SGCD: variants seen among roughly 807,000 people sequenced by gnomAD.
SGCD encodes delta-sarcoglycan.
Under a neutral mutation model 36.6 loss-of-function variants are expected in SGCD, and 18 were observed. That is an observed-to-expected ratio of 0.49 (90% CI 0.34 to 0.73). The LOEUF (loss-of-function observed/expected upper bound fraction) is 0.73, where lower values mean the gene tolerates loss of function less well. SGCD is among the 30% of genes least tolerant of loss of function. The pLI, the probability that SGCD is intolerant of heterozygous loss-of-function variation, is 0.01. For synonymous variants in SGCD, 133 were observed against 130.6 expected, an observed-to-expected ratio of 1.02 and a Z score of -0.12; for missense variants, 387 against 346.7, an observed-to-expected ratio of 1.12 and a Z score of -0.92.
chr5:156,705,942 T>A (rs564846289), intron 7 of SGCD, among the ~76,000 whole-genome samples: 1 of 152,216 alleles, frequency 6.6e-6, no homozygotes, highest in African/African-American at 2.4e-5. Context: ...AGTTCAAATA[T>A]GTTTACTAAA....
intron 1 of SGCD, among the ~76,000 whole-genome samples, chr5:155,974,153 C>T (rs1758062350): frequency 6.6e-6 from 1 of 152,006 alleles, no homozygotes; most frequent in South Asian, 2.1e-4. Context: ...GCAGTTACTA[C>T]ATATTTATGA....
chr5:156,727,759 A>C (rs1755850783), intron 7 of SGCD, among the ~76,000 whole-genome samples: 1 of 152,220 alleles, frequency 6.6e-6, no homozygotes, highest in Admixed American at 6.5e-5. Flanking sequence ...TATATGCATA[A>C]ATTACCTATC....
chr5:156,318,442 G>T (rs772358245), intron 3 of SGCD, among the ~76,000 whole-genome samples: 4 of 152,104 alleles, frequency 2.6e-5, no homozygotes, highest in Non-Finnish European at 5.9e-5. Flanking sequence ...ACCCTGTTTT[G>T]TATCTATCAT....
chr5:156,737,065 T>A (rs1029588501), intron 7 of SGCD, among the ~76,000 whole-genome samples: 2 of 152,224 alleles, frequency 1.3e-5, no homozygotes, highest in African/African-American at 4.8e-5. Context: ...GATAGAAGTT[T>A]TTCAATTTGT....
intron 3 of SGCD, among the ~76,000 whole-genome samples, chr5:156,281,989 C>T (rs1561598859): frequency 1.3e-5 from 2 of 152,014 alleles, no homozygotes; most frequent in Non-Finnish European, 2.9e-5. Context: ...CAAGATCGCG[C>T]CACTGCACTC....
chr5:156,759,446 C>G lies in SGCD; in HGVS notation c.*56C>G. The G allele has an allele frequency of 8.1e-7, 1 of 1,234,280 alleles. No homozygotes were observed. The highest frequency in any genetic ancestry group is 1.5e-5 in the South Asian group (1 of 68,646). The allele number at this position is 1,234,280 out of a possible 1,614,324, so 76.5% of individuals were successfully genotyped here. On this transcript the variant is annotated 3_prime_UTR_variant, in exon 9 of 9. Transcript: ENST00000337851. ...CATAAAGGCCTTTTTTGGCTTTAGA[C>G]ACTGGCTGCCAGCTATTTTTACTAG...
rs758589637 is a variant in SGCD, at chr5:156,059,426, T to C, written c.-281-58452T>C. Among the ~76,000 whole-genome samples, 76 of 146,450 alleles carry C rather than the reference T, an allele frequency of 5.2e-4. 11 individuals carry two copies. The highest frequency in any genetic ancestry group is 1.7e-4 in the Non-Finnish European group (11 of 64,994). On this transcript the variant is annotated intron_variant, in intron 1 of 9. Transcript: ENST00000517913. ...GATTTGGGGAATCTGAGTGAAGCTC[T>C]TTTAAACTTTTATCAGAAAAGGTGC...
At chr5:156,534,841 A>C (rs1488382494) in intron 4 of SGCD, among the ~76,000 whole-genome samples, 1 of 152,194 alleles carries the variant, frequency 6.6e-6, no homozygotes, top group East Asian at 1.9e-4. Context: ...AGTGTCCGCC[A>C]CTTAACTCAC....
chr5:155,990,036 G>A (rs544807789), intron 1 of SGCD, among the ~76,000 whole-genome samples: 15 of 152,256 alleles, frequency 9.9e-5, no homozygotes, highest in African/African-American at 2.9e-4. Context: ...CCACTTCTGG[G>A]AAACAGCCTT....
At chr5:155,798,654 G>A in the SGCD span, among the ~76,000 whole-genome samples, 1 of 152,122 alleles carries the variant, frequency 6.6e-6, no homozygotes, top group East Asian at 1.9e-4. Flanking sequence ...TTTTAAATCA[G>A]TGATCTCATC....
the SGCD span, among the ~76,000 whole-genome samples, chr5:155,729,630 G>C: frequency 1.3e-5 from 2 of 152,152 alleles, 1 homozygote; most frequent in Non-Finnish European, 2.9e-5. Flanking sequence ...TGGCCTGCGC[G>C]GGCATCCTGT....
chr5:156,655,025 A>G (rs1441816952), intron 7 of SGCD, among the ~76,000 whole-genome samples: 1 of 152,174 alleles, frequency 6.6e-6, no homozygotes, highest in Non-Finnish European at 1.5e-5. Context: ...TAGATCTTTA[A>G]AATTCTCACT....
chr5:156,668,462 C>CA (rs564907420), intron 7 of SGCD, among the ~76,000 whole-genome samples: 11 of 151,978 alleles, frequency 7.2e-5, no homozygotes, highest in African/African-American at 2.4e-5. Flanking sequence ...GTGTAGAAGG[C>CA]AAAAAAATGG....
At chr5:155,866,042 G>T (rs983586508), upstream of SGCD, among the ~76,000 whole-genome samples, 1 of 152,148 alleles carries the variant, frequency 6.6e-6, no homozygotes, top group African/African-American at 2.4e-5. Context: ...TCAAACAGTT[G>T]CACAAACAGT....
At chr5:156,522,759 TC>T in intron 4 of SGCD, among the ~76,000 whole-genome samples, 1 of 144,636 alleles carries the variant, frequency 6.9e-6, no homozygotes, top group South Asian at 2.2e-4. Context: ...GACAACCCCA[TC>T]CCCACCCCCC....
chr5:156,623,814 C>G (rs1022334769), intron 6 of SGCD, among the ~76,000 whole-genome samples: 1 of 152,168 alleles, frequency 6.6e-6, no homozygotes, highest in Non-Finnish European at 1.5e-5. Flanking sequence ...AAATGACTTT[C>G]TCTCTTGACT....
intron 3 of SGCD, among the ~76,000 whole-genome samples, chr5:156,440,159 C>A (rs1753421682): frequency 6.6e-6 from 1 of 152,116 alleles, no homozygotes; most frequent in Non-Finnish European, 1.5e-5. Context: ...TAGTCATTGG[C>A]AACCTACCAA....
At chr5:156,279,512 C>A (rs570391560) in intron 3 of SGCD, among the ~76,000 whole-genome samples, 7 of 152,074 alleles carry the variant, frequency 4.6e-5, no homozygotes, top group African/African-American at 1.7e-4. Context: ...GTGAAATGAA[C>A]AAAGTACATG....
chr5:155,813,957 T>C, the SGCD span, among the ~76,000 whole-genome samples: 1 of 152,198 alleles, frequency 6.6e-6, no homozygotes, highest in African/African-American at 2.4e-5. Context: ...CCGGTAAACA[T>C]TGAATGCCCT....
Sources: gnomAD v4.1 joint callset for allele counts (sites outside exome capture counted in the v4.1 genomes callset) on GRCh38, gnomAD v4.1.1 for gene constraint, MANE v1.5 for transcripts, NCBI Gene and HGNC (gene_info 2026-07-23, HGNC 2026-07-21) for gene names.